The following CETP variants were observed in gnomAD, a reference collection of about 807,000 sequenced individuals.
CETP encodes cholesteryl ester transfer protein.
A neutral mutation model predicts 66.5 loss-of-function variants in CETP; 56 were observed. That is an observed-to-expected ratio of 0.84 (90% CI 0.68 to 1.05). The LOEUF is 1.05. Among genes scored for constraint, CETP ranks in the 50% least tolerant of loss-of-function variants. CETP has a pLI of 0.00. For synonymous variants in CETP, 251 were observed against 245.7 expected (o/e 1.02, Z -0.20); for missense variants, 612 against 609.6 (o/e 1.00, Z -0.04).
intron 13 of CETP, 139 bp downstream of exon 13, chr16:56,981,819 G>C (rs1261320602): frequency 4.8e-6 from 4 of 838,360 alleles, no homozygotes; most frequent in Non-Finnish European, 7.9e-6. Flanking sequence ...TGTGTCTCTT[G>C]TGACCCTTCT....
chr16:56,971,714 GT>G (rs777530461), intron 7 of CETP, among the ~76,000 whole-genome samples: 23 of 152,182 alleles, frequency 1.5e-4, no homozygotes, highest in Non-Finnish European at 2.2e-4. Context: ...TCCATGTACT[GT>G]ACTCTCCTAT....
chr16:56,964,423 G>A (rs1422365723), intron 2 of CETP, among the ~76,000 whole-genome samples: 7 of 152,170 alleles, frequency 4.6e-5, no homozygotes, highest in African/African-American at 1.7e-4. Flanking sequence ...AACAGGAGCC[G>A]ATAGAGGTTT....
At chr16:56,979,398 A>G (rs895501742) in intron 11 of CETP, among the ~76,000 whole-genome samples, 5 of 152,232 alleles carry the variant, frequency 3.3e-5, no homozygotes, top group African/African-American at 1.2e-4. Context: ...GACAATGGCC[A>G]GGTTTTGCCA....
chr16:56,975,688 T>C (rs1213091839), intron 10 of CETP, among the ~76,000 whole-genome samples: 5 of 152,184 alleles, frequency 3.3e-5, no homozygotes, highest in Non-Finnish European at 7.4e-5. Flanking sequence ...CTACCTCAAA[T>C]GGACCTCATG....
chr16:56,983,640 G>A lies in CETP; in HGVS notation c.1456G>A (p.Val486Met), dbSNP rs5887. ...CTTTGGCTTCCCTGAGCACCTGCTGGTGGATTTCCTCCAGAGCTTGAGCTA... is the reference window on the plus strand; with the variant it reads ...CTTTGGCTTCCCTGAGCACCTGCTGATGGATTTCCTCCAGAGCTTGAGCTA... Reference protein sequence around the residue: ...MDFGFPEHLLVDFLQSLS With the variant: ...MDFGFPEHLLMDFLQSLS The change falls in exon 16 of 16, where the codon GTG becomes ATG. Residue 486 changes from valine to methionine, a missense_variant. Coordinates refer to ENST00000200676, the MANE Select transcript of CETP (RefSeq NM_000078.3). 1.4e-4 allele frequency: 223 copies of A among 1,614,194 alleles called. 1 individual carries two copies. In the African/African-American group the frequency reaches 2.3e-3, roughly 17 times the overall value.
At chr16:56,964,864 A>G (rs576118464) in intron 2 of CETP, among the ~76,000 whole-genome samples, 2 of 152,340 alleles carry the variant, frequency 1.3e-5, no homozygotes, top group South Asian at 2.1e-4. Flanking sequence ...GGCAAGGTCC[A>G]GTGGCTCATG....
At chr16:56,974,959 C>A (rs1398842249) in intron 9 of CETP, 142 bp from the exon 10 acceptor site, 5 of 734,446 alleles carry the variant, frequency 6.8e-6, no homozygotes, top group Non-Finnish European at 9.8e-6. Flanking sequence ...CTGCCCAGAG[C>A]ATCTCACATG....
At chr16:56,978,001 G>T (rs2056161589) in intron 10 of CETP, 90 bp from the exon 11 acceptor site, 1 of 1,528,044 alleles carries the variant, frequency 6.5e-7, no homozygotes, top group Non-Finnish European at 8.9e-7. Context: ...GGGGCCCGGA[G>T]CCAGCTTTGT....
At chr16:56,981,831 C>G in intron 13 of CETP, 151 bp downstream of exon 13, 2 of 787,870 alleles carry the variant, frequency 2.5e-6, no homozygotes, top group Non-Finnish European at 4.3e-6. Flanking sequence ...GACCCTTCTT[C>G]TCCCTGCCAT....
chr16:56,966,768 CTT>C lies in CETP; in HGVS notation c.234-2603_234-2602del, dbSNP rs35404403. 1.1e-3 allele frequency among the ~76,000 whole-genome samples: 147 copies of C among 138,524 alleles called. 1 individual carries two copies. Among genetic ancestry groups the C allele is most frequent in the African/African-American group, 2.7e-3 (104 of 38,044 alleles). The allele number at this position is 138,524 out of a possible 152,430, so 90.9% of individuals were successfully genotyped here. A position where few individuals can be genotyped will look rare whatever the true frequency, so the allele number is the denominator to read the frequency against. On this transcript the variant is annotated intron_variant, in intron 2 of 15. Coordinates refer to ENST00000200676, the MANE Select transcript of CETP (RefSeq NM_000078.3). ...GCATATGCCACCACTCCCGGCTAATCTTTTTTTTTTTTTTTTATGCATTTTTA... is the reference window on the plus strand; with the variant it reads ...GCATATGCCACCACTCCCGGCTAATCTTTTTTTTTTTTTTATGCATTTTTA...
intron 2 of CETP, among the ~76,000 whole-genome samples, chr16:56,966,957 T>G (rs2056071606): frequency 6.6e-6 from 1 of 151,996 alleles, no homozygotes; most frequent in African/African-American, 2.4e-5. Flanking sequence ...CAGGTAGTGT[T>G]TATTGTATTC....
intron 2 of CETP, among the ~76,000 whole-genome samples, chr16:56,965,276 G>A (rs1268894234): frequency 6.6e-6 from 1 of 152,182 alleles, no homozygotes; most frequent in Non-Finnish European, 1.5e-5. Flanking sequence ...ACGTATATGA[G>A]TGGGGTAGAA....
In CETP at chr16:56,979,926, G is replaced by A. The variant is rs546179945; in HGVS notation, c.1147-1232G>A. Among the ~76,000 whole-genome samples, 24 of 152,302 alleles carry A rather than the reference G, an allele frequency of 1.6e-4. No homozygotes were observed. In the South Asian group the frequency reaches 2.1e-3, roughly 13 times the overall value. On this transcript the variant is annotated intron_variant, in intron 11 of 15. Transcript: ENST00000200676. Reference sequence around the variant, plus strand: ...ATAACCCCCTTCTCCAGGGGCCTTCGATGTGGTGACTGGGTGCATTTCCTT... The same window carrying A: ...ATAACCCCCTTCTCCAGGGGCCTTCAATGTGGTGACTGGGTGCATTTCCTT...
At chr16:56,973,819 G>A (rs892686837) in intron 9 of CETP, among the ~76,000 whole-genome samples, 1 of 152,246 alleles carries the variant, frequency 6.6e-6, no homozygotes, top group Non-Finnish European at 1.5e-5. Context: ...AGCTCTCCGA[G>A]TGAGCAATTC....
Position 56,981,626 on chromosome 16 carries a change from ATC to A in CETP, c.1215-20_1215-19del, listed in dbSNP as rs775045589. On this transcript the variant is annotated intron_variant, in intron 12 of 15. Coordinates refer to ENST00000200676, the MANE Select transcript of CETP (RefSeq NM_000078.3). ...AGGGGGCCCAATGGAGGGTCAAATT[ATC>A]ATCGCTTTTTTATTTCAGGATTACA... 1 of 1,613,804 alleles carries A rather than the reference ATC, an allele frequency of 6.2e-7. No homozygotes were observed. Among genetic ancestry groups the A allele is most frequent in the Non-Finnish European group, 8.5e-7 (1 of 1,179,680 alleles).
Position 56,969,935 on chromosome 16 carries a change from G to C in CETP, c.461G>C (p.Arg154Pro), listed in dbSNP as rs184615182. 7 of 1,614,112 alleles carry C rather than the reference G, an allele frequency of 4.3e-6. No individual in the cohort carries two copies. The South Asian group carries it at 7.7e-5, about 18-fold the overall frequency. The change falls in exon 5 of 16, where the codon CGG (arginine) becomes CCG (proline). Residue 154 changes from arginine (R) to proline (P), a missense_variant. Transcript: ENST00000200676. ...TQLTCDSGRV[R>P]TDAPDCYLSF... ...GCAGCCTGTGACTCTGGTAGAGTGC[G>C]GACCGATGCCCCTGACTGCTACCTG...
chr16:56,974,375 A>G (rs158617), intron 9 of CETP, among the ~76,000 whole-genome samples: 121,115 of 152,162 alleles, frequency 0.8, 48,904 homozygotes, highest in Middle Eastern at 0.88. Context: ...CTTGAGCCCA[A>G]GAGGTTGAGG....
chr16:56,983,686 G>T lies in CETP; in HGVS notation c.*20G>T. ...AGCTAGAAGTCTCCAAGGAGGTCGG[G>T]ATGGGGCTTGTAGCAGAAGGCAAGC... On this transcript the variant is annotated 3_prime_UTR_variant, in exon 16 of 16. Coordinates refer to ENST00000200676, the MANE Select transcript of CETP (RefSeq NM_000078.3). 1 of 1,611,424 alleles carries T rather than the reference G, an allele frequency of 6.2e-7. No homozygotes were observed. Among genetic ancestry groups the T allele is most frequent in the Non-Finnish European group, 8.5e-7 (1 of 1,177,556 alleles).
chr16:56,970,411 T>C (rs980214227), intron 5 of CETP, among the ~76,000 whole-genome samples: 1 of 152,144 alleles, frequency 6.6e-6, no homozygotes, highest in Non-Finnish European at 1.5e-5. Flanking sequence ...AGCACCACAC[T>C]AACTCAGAGA....
Sources: gnomAD v4.1 joint callset for allele counts (sites outside exome capture counted in the v4.1 genomes callset) on GRCh38, gnomAD v4.1.1 for gene constraint, MANE v1.5 for transcripts, NCBI Gene and HGNC (gene_info 2026-07-23, HGNC 2026-07-21) for gene names.